Variants in RBPMS observed in about 807,000 individuals in gnomAD.
The protein encoded by RBPMS is RNA binding protein, mRNA processing factor.
RBPMS carries 7 observed loss-of-function variants against 26.8 expected under a neutral mutation model. The ratio of observed to expected loss-of-function variants is 0.26; its 90% CI spans 0.15 to 0.49. The LOEUF is 0.49. RBPMS is among the 20% of genes least tolerant of loss of function. The pLI is 0.98. For synonymous variants in RBPMS, 96 were observed against 93.3 expected (o/e 1.03, Z -0.17); for missense variants, 186 against 250.0 (o/e 0.74, Z 1.73).
At chr8:30,476,346 A>C (rs1817690325) in intron 2 of RBPMS, among the ~76,000 whole-genome samples, 1 of 152,214 alleles carries the variant, frequency 6.6e-6, no homozygotes, top group South Asian at 2.1e-4. Context: ...TTGAGAACAC[A>C]GTATATCCCT....
chr8:30,557,769 A>G (rs1019654350), intron 6 of RBPMS, among the ~76,000 whole-genome samples: 1 of 152,208 alleles, frequency 6.6e-6, no homozygotes, highest in Non-Finnish European at 1.5e-5. Context: ...TGAAAGGAAG[A>G]GCAGTGGGAG....
intron 4 of RBPMS, among the ~76,000 whole-genome samples, chr8:30,490,034 G>A (rs189606427): frequency 2.0e-5 from 3 of 151,422 alleles, no homozygotes; most frequent in Admixed American, 6.6e-5. Flanking sequence ...GGATGGTCTC[G>A]ATCTCCTGAT....
At chr8:30,422,915 A>G (rs1810959459) in intron 1 of RBPMS, among the ~76,000 whole-genome samples, 1 of 152,194 alleles carries the variant, frequency 6.6e-6, no homozygotes, top group East Asian at 1.9e-4. Flanking sequence ...TATCTACTTC[A>G]TGTGCTGGGG....
chr8:30,545,856 G>A (rs1257576046), intron 6 of RBPMS, among the ~76,000 whole-genome samples: 1 of 152,204 alleles, frequency 6.6e-6, no homozygotes, highest in Non-Finnish European at 1.5e-5. Context: ...TATGTTGGGA[G>A]AAGAAGGGAG....
intron 1 of RBPMS, among the ~76,000 whole-genome samples, chr8:30,452,515 T>C (rs1034174276): frequency 1.3e-5 from 2 of 152,188 alleles, no homozygotes; most frequent in African/African-American, 4.8e-5. Flanking sequence ...ATATTTGTTA[T>C]CTCTCCTACC....
At chr8:30,519,318 T>C (rs1340716242) in intron 5 of RBPMS, among the ~76,000 whole-genome samples, 1 of 152,182 alleles carries the variant, frequency 6.6e-6, no homozygotes, top group African/African-American at 2.4e-5. Flanking sequence ...TAGCCACAAC[T>C]TTTTGATTGC....
At chr8:30,547,541 TGTTTTCATGGTGATG>T in intron 6 of RBPMS, 1 of 1,446,702 alleles carries the variant, frequency 6.9e-7, no homozygotes, top group Non-Finnish European at 9.2e-7. Flanking sequence ...TGCAGCGTTT[TGTTTTCATGGTGATG>T]CAATTTTGGA....
intron 4 of RBPMS, among the ~76,000 whole-genome samples, chr8:30,485,468 C>A (rs540555942): frequency 4.0e-4 from 61 of 152,216 alleles, no homozygotes; most frequent in African/African-American, 1.4e-3. Context: ...TGCAGGATTG[C>A]CAGATGAGAT....
rs574041151 is a variant in RBPMS, at chr8:30,431,666, G to C, written c.67-43113G>C. Among the ~76,000 whole-genome samples, 38 of 152,156 alleles carry C rather than the reference G, an allele frequency of 2.5e-4. 1 individual carries two copies. Among genetic ancestry groups the C allele is most frequent in the African/African-American group, 8.9e-4 (37 of 41,526 alleles). ...AGGTTTCTCCGTGTTGGCTAGGCTG[G>C]TCTCGAACTCCAGACCTCAGGTGAT... On this transcript the variant is annotated intron_variant, in intron 1 of 8. Transcript: ENST00000397323.
At chr8:30,525,458 T>G (rs1223856973) in intron 5 of RBPMS, among the ~76,000 whole-genome samples, 1 of 152,224 alleles carries the variant, frequency 6.6e-6, no homozygotes, top group Admixed American at 6.5e-5. Flanking sequence ...TTTATATATG[T>G]TAAGTGCTAC....
Position 30,504,372 on chromosome 8 carries a change from A to G in RBPMS, c.333A>G (p.Val111=), listed in dbSNP as rs1213319884. The G allele has an allele frequency of 1.2e-6, 2 of 1,614,188 alleles. No homozygotes were observed. Among genetic ancestry groups the G allele is most frequent in the South Asian group, 1.1e-5 (1 of 91,088 alleles). The change falls in exon 5 of 9, where the codon GTA becomes GTG. Residue 111 remains valine, a synonymous_variant. Coordinates refer to ENST00000397323, the MANE Select transcript of RBPMS (RefSeq NM_001008710.3). ...CGAAGATGGCCAAGAACAAACTCGT[A>G]GGGACTCCAAACCCCAGTACTCCTC... ...ANTKMAKNKL[V]GTPNPSTPLP...
chr8:30,520,807 A>C (rs1243953050), intron 5 of RBPMS, among the ~76,000 whole-genome samples: 1 of 152,146 alleles, frequency 6.6e-6, no homozygotes, highest in African/African-American at 2.4e-5. Context: ...GTGAGAATAA[A>C]ATTTTTAGAA....
At chr8:30,554,036 G>A (rs371868914) in intron 6 of RBPMS, among the ~76,000 whole-genome samples, 60 of 152,100 alleles carry the variant, frequency 3.9e-4, no homozygotes, top group African/African-American at 1.3e-3. Context: ...TCAGCCTCCC[G>A]AAGTGCTGGG....
In RBPMS at chr8:30,504,293, G is replaced by T. The variant is rs751200833; in HGVS notation, c.254G>T (p.Arg85Leu). ...TGTTCTCTGTTTCCAAAGGGCATCC[G>T]CTTCGATCCTGAAATTCCGCAAACA... ...EAAKNALNGI[R>L]FDPEIPQTLR... The change falls in exon 5 of 9, where the codon CGC becomes CTC. Residue 85 changes from arginine to leucine, a missense_variant. Coordinates refer to ENST00000397323, the MANE Select transcript of RBPMS (RefSeq NM_001008710.3). 2.5e-6 allele frequency: 4 copies of T among 1,614,094 alleles called. No homozygotes were observed. The highest frequency in any genetic ancestry group is 3.4e-6 in the Non-Finnish European group (4 of 1,180,006).
At chr8:30,497,914 G>GC (rs978350115) in intron 4 of RBPMS, among the ~76,000 whole-genome samples, 5 of 151,862 alleles carry the variant, frequency 3.3e-5, no homozygotes. Context: ...GATCCACCAA[G>GC]CCCGGCCACA....
At chr8:30,540,458 G>A (rs984407841) in intron 5 of RBPMS, among the ~76,000 whole-genome samples, 1 of 152,308 alleles carries the variant, frequency 6.6e-6, no homozygotes, top group Middle Eastern at 3.4e-3. Flanking sequence ...GTCTTACTCT[G>A]TTGCCCTGGC....
chr8:30,494,495 C>T (rs1044609202), intron 4 of RBPMS, among the ~76,000 whole-genome samples: 2 of 152,150 alleles, frequency 1.3e-5, no homozygotes, highest in African/African-American at 4.8e-5. Context: ...CTATATTCAT[C>T]CCCAGTTTAC....
At chr8:30,470,529 C>T (rs772662563) in intron 1 of RBPMS, among the ~76,000 whole-genome samples, 5 of 152,116 alleles carry the variant, frequency 3.3e-5, no homozygotes, top group Non-Finnish European at 5.9e-5. Flanking sequence ...CTCTAGGACT[C>T]CAAGCACATT....
chr8:30,480,985 T>C (rs1818209742), intron 4 of RBPMS, among the ~76,000 whole-genome samples: 2 of 152,270 alleles, frequency 1.3e-5, no homozygotes, highest in African/African-American at 4.8e-5. Context: ...TGCTTTACTA[T>C]ACTTCTCCTA....
Sources: allele counts gnomAD v4.1 joint callset (sites outside exome capture counted in the v4.1 genomes callset), GRCh38; gene constraint gnomAD v4.1.1; transcripts MANE v1.5; gene names NCBI Gene and HGNC (gene_info 2026-07-23, HGNC 2026-07-21).